The following MGAT3 variants were observed in gnomAD, a reference collection of about 807,000 sequenced individuals.
The protein encoded by MGAT3 is GlcNAc-T III.
Under a neutral mutation model 29.8 loss-of-function variants are expected in MGAT3, and 9 were observed. The observed-to-expected ratio is 0.30, with a 90% CI of 0.18 to 0.53. The LOEUF (loss-of-function observed/expected upper bound fraction) is 0.53. Among genes scored for constraint, MGAT3 ranks in the 20% least tolerant of loss-of-function variants. The probability of loss-of-function intolerance (pLI) is 0.96; values close to 1 mark genes in which losing one functional copy is unlikely to be tolerated. For missense variants in MGAT3, 557 were observed against 769.5 expected (o/e 0.72, Z 3.27); for synonymous variants, 397 against 348.9 (o/e 1.14, Z -1.54).
At chr22:39,477,642 C>G (rs1176551172) in intron 1 of MGAT3, 1 of 152,158 alleles carries the variant, frequency 6.6e-6, no homozygotes, top group Admixed American at 6.5e-5. Flanking sequence ...AGCCAGGTCT[C>G]CCACAGGACT....
chr22:39,483,611 C>T (rs907332233), intron 1 of MGAT3, among the ~76,000 whole-genome samples: 78 of 152,192 alleles, frequency 5.1e-4, no homozygotes, highest in Non-Finnish European at 1.8e-4. Flanking sequence ...ATGCTAACCC[C>T]GGCTGCAGTA....
intron 1 of MGAT3, among the ~76,000 whole-genome samples, chr22:39,468,383 G>A (rs975662905): frequency 6.6e-6 from 1 of 152,206 alleles, no homozygotes; most frequent in Non-Finnish European, 1.5e-5. Context: ...TGAACACACA[G>A]CCGTGAGCTG....
intron 1 of MGAT3, among the ~76,000 whole-genome samples, chr22:39,461,558 C>T (rs1928497847): frequency 6.6e-6 from 1 of 152,156 alleles, no homozygotes; most frequent in Non-Finnish European, 1.5e-5. Context: ...GAGATGTGGC[C>T]CAAGCAGGTC....
chr22:39,480,082 TTGA>T (rs1025783722), intron 1 of MGAT3, among the ~76,000 whole-genome samples: 8 of 152,090 alleles, frequency 5.3e-5, no homozygotes, highest in Non-Finnish European at 7.4e-5. Context: ...TATAGGAACA[TTGA>T]TGATGATGAG....
At chr22:39,478,676 G>A (rs1002247737) in intron 1 of MGAT3, among the ~76,000 whole-genome samples, 1 of 152,208 alleles carries the variant, frequency 6.6e-6, no homozygotes, top group African/African-American at 2.4e-5. Flanking sequence ...CACCTGGGAG[G>A]CTGCTACCTG....
chr22:39,463,497 T>C (rs1223721730), intron 1 of MGAT3, among the ~76,000 whole-genome samples: 1 of 152,240 alleles, frequency 6.6e-6, no homozygotes, highest in Non-Finnish European at 1.5e-5. Context: ...TCTGCCACTG[T>C]CCTGGGCCCT....
intron 1 of MGAT3, among the ~76,000 whole-genome samples, chr22:39,468,433 C>T (rs927797809): frequency 1.3e-5 from 2 of 152,250 alleles, no homozygotes; most frequent in Admixed American, 1.3e-4. Context: ...ACTACTGAGC[C>T]GCTCTTCCTT....
chr22:39,473,557 A>C (rs1004385667), intron 1 of MGAT3, among the ~76,000 whole-genome samples: 1 of 152,118 alleles, frequency 6.6e-6, no homozygotes, highest in African/African-American at 2.4e-5. Flanking sequence ...AATTTCCTAC[A>C]TGTGAACGTT....
intron 1 of MGAT3, among the ~76,000 whole-genome samples, chr22:39,485,853 C>G (rs1929256606): frequency 6.6e-6 from 1 of 152,162 alleles, no homozygotes; most frequent in East Asian, 1.9e-4. Context: ...AATATACAAG[C>G]ATCTCCATTC....
Position 39,488,824 on chromosome 22 carries a change from C to A in MGAT3, c.1477C>A (p.Arg493=). 1 of 1,609,782 alleles carries A rather than the reference C, an allele frequency of 6.2e-7. No individual in the cohort carries two copies. The highest frequency in any genetic ancestry group is 1.1e-5 in the South Asian group (1 of 90,458). ...CAAGTACCTGCTGAAGAACTACGAC[C>A]GGTTCCACTACCTGCTGGACAACCC... ...APKYLLKNYD[R]FHYLLDNPYQ... Residue 493 remains arginine (R), a synonymous_variant, in exon 2 of 2, where the codon CGG becomes AGG. Transcript: ENST00000341184.
intron 1 of MGAT3, among the ~76,000 whole-genome samples, chr22:39,467,951 A>T (rs1928704012): frequency 6.6e-6 from 1 of 151,682 alleles, no homozygotes; most frequent in African/African-American, 2.4e-5. Flanking sequence ...CGCCACCCTC[A>T]CCTTGATGAG....
At position 39,471,078 on chromosome 22, in the gene MGAT3, G is replaced by A. The variant is rs114961047; in HGVS notation, c.-2+13521G>A. ...GGGCCTCCTTTGTTATCTGACGATG[G>A]CCACCCCCACTCAGACCAAAGGCTC... On this transcript the variant is annotated intron_variant, in intron 1 of 1. Coordinates refer to ENST00000341184, the MANE Select transcript of MGAT3 (RefSeq NM_002409.5). Among the ~76,000 whole-genome samples, 305 of 152,158 alleles carry A rather than the reference G, an allele frequency of 2.0e-3. 1 individual carries two copies. Among genetic ancestry groups the A allele is most frequent in the African/African-American group, 6.9e-3 (286 of 41,528 alleles).
intron 1 of MGAT3, among the ~76,000 whole-genome samples, chr22:39,474,553 A>G (rs574839718): frequency 3.0e-4 from 46 of 152,264 alleles, no homozygotes; most frequent in African/African-American, 1.0e-3. Context: ...TCACAGCCCC[A>G]AGCACCTTCC....
chr22:39,484,395 C>T (rs896349222), intron 1 of MGAT3, among the ~76,000 whole-genome samples: 5 of 151,974 alleles, frequency 3.3e-5, no homozygotes, highest in Admixed American at 6.6e-5. Context: ...TTTTTTGAGA[C>T]GGAGTCTCAC....
At chr22:39,481,237 C>T (rs537544469) in intron 1 of MGAT3, among the ~76,000 whole-genome samples, 152 of 152,328 alleles carry the variant, frequency 1.0e-3, no homozygotes, top group Non-Finnish European at 1.8e-3. Flanking sequence ...TCTTCCCTGG[C>T]GCCCTCTCCT....
At chr22:39,476,636 T>C (rs1191332379) in intron 1 of MGAT3, 1 of 152,076 alleles carries the variant, frequency 6.6e-6, no homozygotes, top group Admixed American at 6.5e-5. Context: ...AGGCCACTTG[T>C]GTTGAGCCTG....
intron 1 of MGAT3, among the ~76,000 whole-genome samples, chr22:39,481,125 C>T (rs1448983962): frequency 3.3e-5 from 5 of 152,244 alleles, no homozygotes; most frequent in Non-Finnish European, 7.3e-5. Context: ...GTTCCCTGCC[C>T]CCCATGTCCC....
rs188333923 is a variant in MGAT3, at chr22:39,465,404, C to G, written c.-2+7847C>G. Among the ~76,000 whole-genome samples, 21 of 152,310 alleles carry G rather than the reference C, an allele frequency of 1.4e-4. No homozygotes were observed. In the East Asian group the frequency reaches 4.1e-3, roughly 29 times the overall value. ...AGCTACACCCCTTGGAAGGTTTTCC[C>G]TTGGGATATGGGCACAAGTGAAAAA... On this transcript the variant is annotated intron_variant, in intron 1 of 1. Transcript: ENST00000341184.
chr22:39,468,450 C>T (rs1055017524), intron 1 of MGAT3, among the ~76,000 whole-genome samples: 2 of 152,254 alleles, frequency 1.3e-5, no homozygotes, highest in Non-Finnish European at 2.9e-5. Flanking sequence ...CCTTTCCCAC[C>T]GTCTTCCCAT....
Sources: gnomAD v4.1 joint callset for allele counts (sites outside exome capture counted in the v4.1 genomes callset) on GRCh38, gnomAD v4.1.1 for gene constraint, MANE v1.5 for transcripts, NCBI Gene and HGNC (gene_info 2026-07-23, HGNC 2026-07-21) for gene names.